Variants in PCDH15 observed in about 807,000 individuals in gnomAD.
PCDH15 encodes protocadherin-15.
A neutral mutation model predicts 178.5 loss-of-function variants in PCDH15; 129 were observed. The ratio of observed to expected loss-of-function variants is 0.72; its 90% confidence interval spans 0.63 to 0.84. PCDH15 has a LOEUF of 0.84. Among genes scored for constraint, PCDH15 ranks in the 40% least tolerant of loss-of-function variants. The pLI, the probability that PCDH15 is intolerant of heterozygous loss-of-function variation, is 0.00. For missense variants in PCDH15, 2,230 were observed against 2,099.9 expected, an observed-to-expected ratio of 1.06 and a Z score of -1.21; for synonymous variants, 800 against 732.0, an observed-to-expected ratio of 1.09 and a Z score of -1.50.
In PCDH15 at chr10:54,584,840, T is replaced by C. The variant is rs148545333; in HGVS notation, c.92-56963A>G. 3.7e-3 allele frequency among the ~76,000 whole-genome samples: 562 copies of C among 152,224 alleles called. 3 individuals are homozygous for C. Among genetic ancestry groups the C allele is most frequent in the African/African-American group, 0.012 (515 of 41,546 alleles). ...TAAATAAAAAGAATGTGACCAAATGTCCATTAGCAATGATAGTCTAGTCAT... is the reference window on the plus strand; with the variant it reads ...TAAATAAAAAGAATGTGACCAAATGCCCATTAGCAATGATAGTCTAGTCAT... On this transcript the variant is annotated intron_variant, in intron 2 of 37. Coordinates refer to ENST00000644397, the MANE Select transcript of PCDH15 (RefSeq NM_001384140.1).
chr10:55,222,846 T>G (rs140594728), intron 1 of PCDH15, among the ~76,000 whole-genome samples: 1 of 151,234 alleles, frequency 6.6e-6, no homozygotes. Flanking sequence ...ATTCTAAAAT[T>G]TGGGCATCTT....
rs183493329 is a variant in PCDH15, at chr10:53,931,448, T to A, written c.3373+7367A>T. 5.3e-5 allele frequency among the ~76,000 whole-genome samples: 8 copies of A among 152,308 alleles called. No homozygotes were observed. In the East Asian group the frequency reaches 1.5e-3, roughly 29 times the overall value. On this transcript the variant is annotated intron_variant, in intron 25 of 37. Coordinates refer to ENST00000644397, the MANE Select transcript of PCDH15 (RefSeq NM_001384140.1). ...GCATTGGACAAATCTTTATTGGGGG[T>A]ATTTATGTGCCATGCATTTTAGGCT...
chr10:55,075,696 T>C (rs1841871165), intron 2 of PCDH15, among the ~76,000 whole-genome samples: 1 of 151,024 alleles, frequency 6.6e-6, no homozygotes, highest in South Asian at 2.1e-4. Context: ...CTTTTTGTTT[T>C]ACTCCTCCTT....
At chr10:54,401,339 C>A (rs1442369312) in intron 3 of PCDH15, among the ~76,000 whole-genome samples, 1 of 151,362 alleles carries the variant, frequency 6.6e-6, no homozygotes, top group Admixed American at 6.6e-5. Flanking sequence ...TTAGGGCAAG[C>A]AAAGTTATGC....
At chr10:54,462,512 C>CTTTTTTTTTTTTTTTTTTTTTTTTT (rs562731025) in intron 3 of PCDH15, among the ~76,000 whole-genome samples, 4 of 66,886 alleles carry the variant, frequency 6.0e-5, no homozygotes, top group East Asian at 4.4e-4. Flanking sequence ...TTTTTCTTTT[C>CTTTTTTTTTTTTTTTTTTTTTTTTT]TTTTTTTTTT....
intron 2 of PCDH15, among the ~76,000 whole-genome samples, chr10:54,986,214 C>T (rs2178643): frequency 0.36 from 55,308 of 151,768 alleles, 12,246 homozygotes; most frequent in African/African-American, 0.62. Context: ...GCTGCACCCA[C>T]GGGTACTATG....
chr10:54,039,004 T>C (rs2093480799), intron 18 of PCDH15, among the ~76,000 whole-genome samples: 2 of 151,968 alleles, frequency 1.3e-5, no homozygotes, highest in African/African-American at 2.4e-5. Flanking sequence ...AACTCATATT[T>C]TCCTGTTGAA....
intron 8 of PCDH15, among the ~76,000 whole-genome samples, chr10:54,244,504 C>T (rs1271482296): frequency 6.6e-6 from 1 of 152,158 alleles, no homozygotes; most frequent in Non-Finnish European, 1.5e-5. Context: ...GTGACTTGTT[C>T]CACGCTGTCC....
At chr10:55,022,883 T>A (rs190907953) in intron 2 of PCDH15, among the ~76,000 whole-genome samples, 387 of 150,498 alleles carry the variant, frequency 2.6e-3, no homozygotes, top group African/African-American at 9.2e-3. Flanking sequence ...GCTAAATGAA[T>A]TTTATTTTTC....
intron 2 of PCDH15, among the ~76,000 whole-genome samples, chr10:55,359,749 C>T (rs2441767): frequency 0.068 from 4,340 of 63,856 alleles, 109 homozygotes; most frequent in African/African-American, 0.11. Context: ...TATATATATA[C>T]ACACACACAC....
At chr10:54,050,264 T>C (rs2660159) in intron 18 of PCDH15, among the ~76,000 whole-genome samples, 31,799 of 152,144 alleles carry the variant, frequency 0.21, 3,508 homozygotes, top group Non-Finnish European at 0.23. Flanking sequence ...TTCAAGCTTT[T>C]GATTTCTTCT....
At chr10:55,615,342 T>G (rs1435489103) in intron 2 of PCDH15, among the ~76,000 whole-genome samples, 1 of 152,174 alleles carries the variant, frequency 6.6e-6, no homozygotes, top group African/African-American at 2.4e-5. Flanking sequence ...ACTTACTCAT[T>G]GGAAACACTG....
intron 3 of PCDH15, among the ~76,000 whole-genome samples, chr10:54,506,800 G>T (rs1191346936): frequency 6.6e-6 from 1 of 151,956 alleles, no homozygotes; most frequent in East Asian, 1.9e-4. Flanking sequence ...ACAAAAAAAT[G>T]AAAGAAGAAT....
At chr10:54,003,141 A>C (rs1270161752) in intron 20 of PCDH15, among the ~76,000 whole-genome samples, 1 of 152,170 alleles carries the variant, frequency 6.6e-6, no homozygotes, top group African/African-American at 2.4e-5. Context: ...AAGTGCCTAC[A>C]TCATGAAAGG....
intron 1 of PCDH15, among the ~76,000 whole-genome samples, chr10:54,795,666 T>A (rs181859675): frequency 6.6e-6 from 1 of 152,032 alleles, no homozygotes. Flanking sequence ...ATATGCTTTT[T>A]CATTTAATTG....
Position 55,619,656 on chromosome 10 carries a change from T to C in PCDH15, c.-156+7969A>G. Among the ~76,000 whole-genome samples, 4 of 152,206 alleles carry C rather than the reference T, an allele frequency of 2.6e-5. No homozygotes were observed. The South Asian group carries it at 8.3e-4, about 31-fold the overall frequency. On this transcript the variant is annotated intron_variant, in intron 2 of 5. Transcript: ENST00000613346. The stretch of plus-strand genomic sequence containing the variant: ...AGTAATAACTGGCACAAAATAATTA[T>C]AATTCATTATTATTTTTCAATATCT...
chr10:54,712,941 A>G (rs1482652515), intron 1 of PCDH15, among the ~76,000 whole-genome samples: 2 of 152,082 alleles, frequency 1.3e-5, no homozygotes, highest in East Asian at 3.9e-4. Context: ...ATAGACCTGT[A>G]AGAGATGTAT....
At chr10:55,207,961 T>C (rs575908854) in intron 1 of PCDH15, among the ~76,000 whole-genome samples, 1 of 152,202 alleles carries the variant, frequency 6.6e-6, no homozygotes, top group Admixed American at 6.5e-5. Context: ...AGAGTGACAG[T>C]CTATCTCAAA....
intron 2 of PCDH15, among the ~76,000 whole-genome samples, chr10:54,925,078 G>C (rs1409298544): frequency 6.6e-6 from 1 of 151,906 alleles, no homozygotes; most frequent in Non-Finnish European, 1.5e-5. Context: ...TATAGTTTTG[G>C]GTTCTATATT....
Sources: gnomAD v4.1 joint callset for allele counts (sites outside exome capture counted in the v4.1 genomes callset) on GRCh38, gnomAD v4.1.1 for gene constraint, MANE v1.5 for transcripts, NCBI Gene and HGNC (gene_info 2026-07-23, HGNC 2026-07-21) for gene names.